Variants in GDPD5 observed in about 807,000 individuals in gnomAD.
GDPD5 encodes glycerophosphodiester phosphodiesterase domain containing 5.
GDPD5 carries 48 observed loss-of-function variants against 75.1 expected under a neutral mutation model. That is an observed-to-expected ratio of 0.64 (90% CI 0.51 to 0.81). The LOEUF (loss-of-function observed/expected upper bound fraction) is 0.81, where lower values mean the gene tolerates loss of function less well. Among genes scored for constraint, GDPD5 ranks in the 40% least tolerant of loss-of-function variants. GDPD5 has a pLI of 0.00. For missense variants in GDPD5, 706 were observed against 822.6 expected, an observed-to-expected ratio of 0.86 and a Z score of 1.73; for synonymous variants, 336 against 339.0, an observed-to-expected ratio of 0.99 and a Z score of 0.10.
At chr11:75,497,490 G>A (rs1346337132) in intron 1 of GDPD5, among the ~76,000 whole-genome samples, 1 of 152,066 alleles carries the variant, frequency 6.6e-6, no homozygotes, top group African/African-American at 2.4e-5. Flanking sequence ...TGGACAGTGA[G>A]GGGGCTCTGG....
chr11:75,501,811 C>T (rs1950309969), intron 1 of GDPD5, among the ~76,000 whole-genome samples: 1 of 152,132 alleles, frequency 6.6e-6, no homozygotes, highest in African/African-American at 2.4e-5. Flanking sequence ...GTTACACTTC[C>T]ACCCTCCCCT....
At chr11:75,468,337 C>T (rs896037789) in intron 3 of GDPD5, among the ~76,000 whole-genome samples, 14 of 152,196 alleles carry the variant, frequency 9.2e-5, no homozygotes, top group African/African-American at 2.4e-4. Context: ...CTGCAGCCTC[C>T]AGGACACGAG....
At chr11:75,481,424 C>A (rs1949916377) in intron 2 of GDPD5, among the ~76,000 whole-genome samples, 1 of 152,212 alleles carries the variant, frequency 6.6e-6, no homozygotes, top group Non-Finnish European at 1.5e-5. Context: ...CTCCTGAGTG[C>A]TGGGAATTGA....
intron 1 of GDPD5, among the ~76,000 whole-genome samples, chr11:75,491,649 T>C (rs1271410827): frequency 6.6e-6 from 1 of 152,238 alleles, no homozygotes; most frequent in African/African-American, 2.4e-5. Flanking sequence ...ATCTTGGCTC[T>C]TACTGTGTGA....
intron 1 of GDPD5, among the ~76,000 whole-genome samples, chr11:75,493,478 T>C (rs1300553860): frequency 6.6e-6 from 1 of 152,060 alleles, no homozygotes; most frequent in Non-Finnish European, 1.5e-5. Flanking sequence ...CATGGCAGAC[T>C]ACAGGTTTGA....
chr11:75,442,579 A>T lies in GDPD5; in HGVS notation c.951T>A (p.Thr317=), dbSNP rs1215986438. The change falls in exon 12 of 17, where the codon ACT becomes ACA. Residue 317 remains threonine, a splice_region_variant and synonymous_variant. Coordinates refer to ENST00000336898, the MANE Select transcript of GDPD5 (RefSeq NM_030792.8). ...RLNAGQWFLK[T]DPFWTASSLS... The stretch of plus-strand genomic sequence containing the variant: ...GGGAGCTGGCTGTCCAGAAGGGGTC[A>T]GTCTGGCAGGGACAGGGACACACAC... 6.2e-7 allele frequency: 1 copy of T among 1,613,826 alleles called. No homozygotes were observed. Among genetic ancestry groups the T allele is most frequent in the Non-Finnish European group, 8.5e-7 (1 of 1,179,844 alleles).
intron 3 of GDPD5, among the ~76,000 whole-genome samples, chr11:75,466,349 A>C (rs1949515237): frequency 6.6e-6 from 1 of 152,182 alleles, no homozygotes; most frequent in Non-Finnish European, 1.5e-5. Flanking sequence ...ACTGAATGGC[A>C]GGGACTGGAA....
chr11:75,520,328 CTCATT>C (rs1468782087), intron 1 of GDPD5, among the ~76,000 whole-genome samples: 2 of 152,192 alleles, frequency 1.3e-5, no homozygotes, highest in Non-Finnish European at 2.9e-5. Flanking sequence ...CTTCCTTCAT[CTCATT>C]TAATAACAGT....
intron 1 of GDPD5, among the ~76,000 whole-genome samples, chr11:75,497,266 GGT>G (rs1002729501): frequency 6.6e-6 from 1 of 152,094 alleles, no homozygotes; most frequent in African/African-American, 2.4e-5. Context: ...ATGAGCTAAA[GGT>G]GTAGACAAAC....
At chr11:75,524,969 T>C (rs911927711) in intron 1 of GDPD5, among the ~76,000 whole-genome samples, 2 of 152,208 alleles carry the variant, frequency 1.3e-5, no homozygotes, top group Non-Finnish European at 2.9e-5. Context: ...CCGATAATAA[T>C]ACACAACACC....
chr11:75,498,622 C>A (rs1950253371), intron 1 of GDPD5, among the ~76,000 whole-genome samples: 1 of 152,178 alleles, frequency 6.6e-6, no homozygotes, highest in African/African-American at 2.4e-5. Flanking sequence ...TGCCCAAAGC[C>A]AAGTCATCTG....
intron 9 of GDPD5, among the ~76,000 whole-genome samples, chr11:75,445,619 T>G (rs1448423953): frequency 6.6e-6 from 1 of 152,070 alleles, no homozygotes; most frequent in Non-Finnish European, 1.5e-5. Context: ...AGTGAAGAGG[T>G]GAGGTGGGAA....
chr11:75,521,165 C>T (rs1016177364), intron 1 of GDPD5, among the ~76,000 whole-genome samples: 2 of 152,122 alleles, frequency 1.3e-5, no homozygotes, highest in Admixed American at 6.5e-5. Flanking sequence ...AGAGAGGGGC[C>T]GACTCACCCC....
chr11:75,493,291 C>A (rs1950146203), intron 1 of GDPD5, among the ~76,000 whole-genome samples: 1 of 151,476 alleles, frequency 6.6e-6, no homozygotes, highest in South Asian at 2.1e-4. Context: ...TACACAGGAG[C>A]CTCTGTCACA....
intron 4 of GDPD5, 34 bp downstream of exon 4, chr11:75,462,752 G>A (rs1234914757): frequency 6.5e-7 from 1 of 1,540,352 alleles, no homozygotes; most frequent in African/African-American, 1.4e-5. Context: ...CCAGCTCTGG[G>A]CCCCTTCCTC....
At chr11:75,458,006 T>C (rs747124905) in intron 4 of GDPD5, among the ~76,000 whole-genome samples, 3 of 152,188 alleles carry the variant, frequency 2.0e-5, no homozygotes, top group Non-Finnish European at 4.4e-5. Flanking sequence ...TAATGCCCCA[T>C]AATCCTATTG....
At chr11:75,455,299 T>A (rs1949261311) in intron 6 of GDPD5, 1 of 455,274 alleles carries the variant, frequency 2.2e-6, no homozygotes, top group African/African-American at 2.0e-5. Context: ...ATGCCAGCTT[T>A]GCAGCCAGGA....
Position 75,457,773 on chromosome 11 carries a change from G to T in GDPD5, c.235C>A (p.Arg79Ser). Residue 79 changes from arginine to serine, a missense_variant, in exon 5 of 17, where the codon CGC becomes AGC. Physicochemically the swap from Arg to Ser is moderately radical, Grantham distance 110. Coordinates refer to ENST00000336898, the MANE Select transcript of GDPD5 (RefSeq NM_030792.8). ...GGCCAGTCGCTCCAGTAGCCCATGC[G>T]GTTGTAGAGGTACCTGCCAGGAGGA... is the stretch of plus-strand genomic sequence containing the variant. ...YDEFNWYLYN[R>S]MGYWSDWPVP... 6.2e-7 allele frequency: 1 copy of T among 1,613,918 alleles called. No homozygotes were observed. Among genetic ancestry groups the T allele is most frequent in the African/African-American group, 1.3e-5 (1 of 75,042 alleles).
chr11:75,441,367 T>C (rs1003383521), intron 13 of GDPD5, 57 bp from the exon 14 acceptor site: 5 of 1,598,000 alleles, frequency 3.1e-6, no homozygotes, highest in Admixed American at 1.7e-5. Flanking sequence ...CCAGGCCCAG[T>C]GTCGGGGCTG....
Sources: gnomAD v4.1 joint callset for allele counts (sites outside exome capture counted in the v4.1 genomes callset) on GRCh38, gnomAD v4.1.1 for gene constraint, MANE v1.5 for transcripts, NCBI Gene and HGNC (gene_info 2026-07-23, HGNC 2026-07-21) for gene names.